The following ADGRE1 variants were observed in gnomAD, a reference collection of about 807,000 sequenced individuals.
ADGRE1 encodes EGF-like module receptor 1.
A neutral mutation model predicts 102.7 loss-of-function variants in ADGRE1; 82 were observed. The observed-to-expected ratio is 0.80, with a 90% confidence interval of 0.67 to 0.96. ADGRE1 has a LOEUF of 0.96. ADGRE1 is among the 40% of genes least tolerant of loss of function. ADGRE1 has a pLI of 0.00. For missense variants in ADGRE1, 1,032 were observed against 1,085.3 expected (o/e 0.95, Z 0.69); for synonymous variants, 398 against 399.6 (o/e 1.00, Z 0.05).
chr19:6,937,643 AAGACGGTGAG>A lies in ADGRE1; in HGVS notation c.2655_2655+9del, dbSNP rs1975478999. On this transcript the variant is annotated splice_donor_variant and splice_donor_5th_base_variant and coding_sequence_variant and intron_variant, in exon 20 of 21. Transcript: ENST00000312053. LOFTEE classifies it high-confidence loss of function. ...GCTGTCCTCCATGCCATCCGCTTCC[AAGACGGTGAG>A]AGACTGCATGCTCCCTGCAGGTGCT... 6.2e-7 allele frequency: 1 copy of A among 1,613,924 alleles called. No homozygotes were observed. The highest frequency in any genetic ancestry group is 1.3e-5 in the African/African-American group (1 of 74,978).
chr19:6,930,489 G>C (rs1037882711), intron 17 of ADGRE1, among the ~76,000 whole-genome samples: 1 of 151,974 alleles, frequency 6.6e-6, no homozygotes, highest in Non-Finnish European at 1.5e-5. Context: ...TATATTTATG[G>C]GGTATATGAA....
rs921572235 is a variant in ADGRE1, at chr19:6,916,010, A to T, written c.1301-239A>T. Among the ~76,000 whole-genome samples the T allele has an allele frequency of 2.7e-5, 4 of 150,216 alleles. No homozygotes were observed. The Admixed American group carries it at 2.7e-4, about 10-fold the overall frequency. On this transcript the variant is annotated intron_variant, in intron 11 of 20. Coordinates refer to ENST00000312053, the MANE Select transcript of ADGRE1 (RefSeq NM_001974.5). ...TTGACTTTGACCCCATCTTTCCCTG[A>T]TGCACCCCCTAGGAGATGAGAGTTC...
In ADGRE1 at chr19:6,927,764, C is replaced by T. The variant is rs537174223; in HGVS notation, c.2223-381C>T. On this transcript the variant is annotated intron_variant, in intron 16 of 20. Coordinates refer to ENST00000312053, the MANE Select transcript of ADGRE1 (RefSeq NM_001974.5). ...GCAACCTCCACCTCCTGGGTTCAAG[C>T]GATTCTCCTATCTCAGCCTCCCAAG... Among the ~76,000 whole-genome samples, 7 of 152,138 alleles carry T rather than the reference C, an allele frequency of 4.6e-5. No individual in the cohort carries two copies. In the East Asian group the frequency reaches 5.8e-4, roughly 13 times the overall value.
intron 14 of ADGRE1, among the ~76,000 whole-genome samples, chr19:6,922,661 C>A: frequency 6.8e-6 from 1 of 146,134 alleles, no homozygotes; most frequent in African/African-American, 2.5e-5. Flanking sequence ...CACACACAAA[C>A]AAAAAGAATT....
intron 6 of ADGRE1, among the ~76,000 whole-genome samples, chr19:6,903,079 G>A (rs1382139530): frequency 1.3e-5 from 2 of 152,234 alleles, no homozygotes; most frequent in Non-Finnish European, 2.9e-5. Context: ...TACTTCATAG[G>A]CAGAGAGCAG....
chr19:6,936,335 C>G (rs1444599213), intron 18 of ADGRE1, among the ~76,000 whole-genome samples: 2 of 151,022 alleles, frequency 1.3e-5, no homozygotes, highest in African/African-American at 4.9e-5. Flanking sequence ...ACTTGGGAGG[C>G]TGAGGCAGGA....
Position 6,920,227 on chromosome 19 carries a change from G to GTTTTT in ADGRE1, c.1620+480_1620+481insTTTTT, listed in dbSNP as rs1321527119. On this transcript the variant is annotated intron_variant, in intron 13 of 20. Coordinates refer to ENST00000312053, the MANE Select transcript of ADGRE1 (RefSeq NM_001974.5). ...TCCTGGATCCTGCTATGTGGTGGTT[G>GTTTTT]CTTCTTTTTTTTTTTTTAGTCTCAC... 1.3e-5 allele frequency among the ~76,000 whole-genome samples: 2 copies of GTTTTT among 149,186 alleles called. 1 individual carries two copies. The highest frequency in any genetic ancestry group is 5.0e-5 in the African/African-American group (2 of 39,994).
intron 10 of ADGRE1, among the ~76,000 whole-genome samples, chr19:6,910,297 T>A (rs1974122759): frequency 6.6e-6 from 1 of 151,750 alleles, no homozygotes; most frequent in African/African-American, 2.4e-5. Flanking sequence ...ATATTCCAAT[T>A]CCCCCCTCCC....
At chr19:6,939,362 A>G (rs1316240196) in intron 20 of ADGRE1, among the ~76,000 whole-genome samples, 34 of 152,314 alleles carry the variant, frequency 2.2e-4, no homozygotes, top group Non-Finnish European at 4.4e-5. Flanking sequence ...CCAGTGAGTC[A>G]TATTTTTGGA....
At chr19:6,927,998 A>T in intron 16 of ADGRE1, 147 bp from the exon 17 acceptor site, 1 of 990,742 alleles carries the variant, frequency 1.0e-6, no homozygotes, top group Non-Finnish European at 1.5e-6. Context: ...GATCTAAAGG[A>T]AACTGAACTG....
chr19:6,909,974 T>C (rs563633379), intron 10 of ADGRE1, among the ~76,000 whole-genome samples: 1 of 150,590 alleles, frequency 6.6e-6, no homozygotes, highest in Admixed American at 6.7e-5. Context: ...CCTCAGGCGA[T>C]CCACCTGCCT....
chr19:6,920,402 G>C (rs2354117), intron 13 of ADGRE1, among the ~76,000 whole-genome samples: 33,110 of 151,032 alleles, frequency 0.22, 3,687 homozygotes, highest in Middle Eastern at 0.24. Flanking sequence ...TGTATTTTTA[G>C]TGCAGACGGG....
intron 3 of ADGRE1, chr19:6,896,937 A>C: frequency 1.8e-6 from 1 of 570,070 alleles, no homozygotes; most frequent in Non-Finnish European, 3.0e-6. Flanking sequence ...GAACTACATG[A>C]TATTTTTATG....
intron 10 of ADGRE1, among the ~76,000 whole-genome samples, chr19:6,912,190 A>T (rs1974228833): frequency 6.6e-6 from 1 of 152,066 alleles, no homozygotes; most frequent in African/African-American, 2.4e-5. Context: ...ACGCATGTAC[A>T]CAACCCAACA....
intron 17 of ADGRE1, chr19:6,928,588 C>T (rs1341256961): frequency 8.2e-6 from 2 of 244,866 alleles, no homozygotes; most frequent in Non-Finnish European, 1.6e-5. Flanking sequence ...AAATTCATGC[C>T]ACTGTACTCC....
At chr19:6,919,832 G>A in intron 13 of ADGRE1, 85 bp downstream of exon 13, 2 of 1,381,694 alleles carry the variant, frequency 1.4e-6, no homozygotes, top group Non-Finnish European at 2.0e-6. Flanking sequence ...CATTTTTTAC[G>A]GGAAGCTATT....
At chr19:6,910,769 C>T (rs573273243) in intron 10 of ADGRE1, among the ~76,000 whole-genome samples, 1 of 152,068 alleles carries the variant, frequency 6.6e-6, no homozygotes, top group African/African-American at 2.4e-5. Flanking sequence ...GACGGGGTTT[C>T]ACCATGTTGG....
At position 6,930,387 on chromosome 19, in the gene ADGRE1, C is replaced by T. The variant is rs192202251; in HGVS notation, c.2289+2176C>T. Among the ~76,000 whole-genome samples, 17 of 152,272 alleles carry T rather than the reference C, an allele frequency of 1.1e-4. 1 individual carries two copies. In the East Asian group the frequency reaches 2.9e-3, roughly 26 times the overall value. ...GATGATGATTCTTCTGACTCTCACT[C>T]ATGGTGGCTCATTCCCTTATGTCTT... On this transcript the variant is annotated intron_variant, in intron 17 of 20. Transcript: ENST00000312053.
intron 11 of ADGRE1, among the ~76,000 whole-genome samples, chr19:6,915,280 T>A (rs1372782744): frequency 6.6e-6 from 1 of 152,188 alleles, no homozygotes; most frequent in African/African-American, 2.4e-5. Context: ...GTACTAGGAT[T>A]ACAGGCCTGA....
Sources: allele counts gnomAD v4.1 joint callset (sites outside exome capture counted in the v4.1 genomes callset), GRCh38; gene constraint gnomAD v4.1.1; transcripts MANE v1.5; gene names NCBI Gene and HGNC (gene_info 2026-07-23, HGNC 2026-07-21).